NR3C1: variants seen among roughly 807,000 people sequenced by gnomAD.
NR3C1 encodes glucocorticoid receptor.
Under a neutral mutation model 74.0 loss-of-function variants are expected in NR3C1, and 14 were observed. The ratio of observed to expected loss-of-function variants is 0.19; its 90% CI spans 0.12 to 0.30. NR3C1 has a LOEUF of 0.30. NR3C1 is among the 10% of genes least tolerant of loss of function. NR3C1 has a pLI of 1.00. For missense variants in NR3C1, 695 were observed against 909.8 expected, an observed-to-expected ratio of 0.76 and a Z score of 3.04; for synonymous variants, 308 against 332.5, an observed-to-expected ratio of 0.93 and a Z score of 0.80.
At chr5:143,390,811 GATTAA>G (rs1240795014) in intron 2 of NR3C1, among the ~76,000 whole-genome samples, 1 of 152,114 alleles carries the variant, frequency 6.6e-6, no homozygotes, top group Non-Finnish European at 1.5e-5. Context: ...TTCGAGAGAG[GATTAA>G]ATTTCTAAAT....
chr5:143,299,005 G>T (rs1349171211), intron 5 of NR3C1, among the ~76,000 whole-genome samples, 193 bp from the exon 6 acceptor site: 138 of 106,736 alleles, frequency 1.3e-3, no homozygotes, highest in African/African-American at 4.5e-3. Flanking sequence ...ACCCTCTTGT[G>T]TTTTTTTTTT....
rs774830258 is a variant in NR3C1 at position 143,300,388 on chromosome 5, AT to A, written c.1747+96del. On this transcript the variant is annotated intron_variant, in intron 5 of 8. Coordinates refer to ENST00000394464, the MANE Select transcript of NR3C1 (RefSeq NM_000176.3). This position sits in a 1 kb window ranked among gnomAD's most constrained non-coding sequence, Gnocchi z 5.2. ...AGTCCCCAGAACTAAGAGAAACAAG[AT>A]AAGCCATGGGCTCACGATGATATAA... 20 of 1,459,686 alleles carry A rather than the reference AT, an allele frequency of 1.4e-5. No individual in the cohort carries two copies. The highest frequency in any genetic ancestry group is 1.9e-5 in the Non-Finnish European group (20 of 1,044,752). The allele number at this position is 1,459,686 out of a possible 1,614,324, so 90.4% of individuals were successfully genotyped here. A position where few individuals can be genotyped will look rare whatever the true frequency, so the allele number is the denominator to read the frequency against.
intron 1 of NR3C1, among the ~76,000 whole-genome samples, chr5:143,413,077 C>T (rs1368495854): frequency 6.6e-6 from 1 of 152,154 alleles, no homozygotes; most frequent in Non-Finnish European, 1.5e-5. Context: ...CAGTATAAGG[C>T]TGCAGGGATA....
chr5:143,340,628 G>A (rs1390929807), intron 2 of NR3C1, among the ~76,000 whole-genome samples: 2 of 151,740 alleles, frequency 1.3e-5, no homozygotes, highest in East Asian at 1.9e-4. Context: ...GATTACAGGT[G>A]CGCGCCACCA....
Position 143,309,070 on chromosome 5 carries a change from TTTC to T in NR3C1, c.1468+1024_1468+1026del, listed in dbSNP as rs1179627034. ...ACTCTAACTTATAACTAGTTTCAGGTTTCTTTTTTTTTTTTTTTTTCCAAGACG... is the reference window on the plus strand; with the variant it reads ...ACTCTAACTTATAACTAGTTTCAGGTTTTTTTTTTTTTTTTTTCCAAGACG... On this transcript the variant is annotated intron_variant, in intron 4 of 8. Coordinates refer to ENST00000394464, the MANE Select transcript of NR3C1 (RefSeq NM_000176.3). Among the ~76,000 whole-genome samples, 5 of 130,800 alleles carry T rather than the reference TTTC, an allele frequency of 3.8e-5. No individual in the cohort carries two copies. The East Asian group carries it at 1.2e-3, about 30-fold the overall frequency. The allele number at this position is 130,800 out of a possible 152,430, so 85.8% of individuals were successfully genotyped here.
rs1210181316 is a variant in NR3C1, at chr5:143,403,474, C to A, written c.-277G>T. 6.1e-6 allele frequency: 6 copies of A among 985,338 alleles called. No homozygotes were observed. The highest frequency in any genetic ancestry group is 7.2e-6 in the Non-Finnish European group (6 of 829,932). 61.0% of individuals were successfully genotyped at this position (985,338 alleles called of 1,614,324 possible). On this transcript the variant is annotated 5_prime_UTR_variant, in exon 1 of 9. Coordinates refer to ENST00000394464, the MANE Select transcript of NR3C1 (RefSeq NM_000176.3). ...GGTTCCGGGCGCGCGTGCCCCGTCC[C>A]GGTCCCAGCTGCTTCGGCCGCTCCG...
At chr5:143,405,316 C>T (rs1310246325), upstream of NR3C1, 6 of 985,520 alleles carry the variant, frequency 6.1e-6, no homozygotes, top group Non-Finnish European at 6.0e-6. Flanking sequence ...GGGCGCTCGG[C>T]CACAGCCACT....
chr5:143,344,102 CAT>C (rs1290375414), intron 2 of NR3C1, among the ~76,000 whole-genome samples: 1 of 151,984 alleles, frequency 6.6e-6, no homozygotes, highest in East Asian at 1.9e-4. Flanking sequence ...TTAACTATGA[CAT>C]AGTGCTTAGA....
chr5:143,428,424 C>G (rs1469503942), intron 1 of NR3C1, among the ~76,000 whole-genome samples: 1 of 152,198 alleles, frequency 6.6e-6, no homozygotes, highest in Non-Finnish European at 1.5e-5. Flanking sequence ...AAAGGCTTCC[C>G]TTCTGCTTTT....
chr5:143,325,622 T>C (rs1051933217), intron 2 of NR3C1, among the ~76,000 whole-genome samples: 3 of 152,232 alleles, frequency 2.0e-5, no homozygotes, highest in Non-Finnish European at 2.9e-5. Context: ...TTTTATTTTA[T>C]TATTAGTTAC....
At chr5:143,403,862 G>A, upstream of NR3C1, 3 of 972,876 alleles carry the variant, frequency 3.1e-6, no homozygotes, top group South Asian at 4.8e-5. Flanking sequence ...CCGCCACCCC[G>A]GCCCCGACGG....
At chr5:143,395,266 T>G (rs1047780945) in intron 2 of NR3C1, among the ~76,000 whole-genome samples, 2 of 152,004 alleles carry the variant, frequency 1.3e-5, no homozygotes, top group African/African-American at 4.8e-5. Context: ...ACCCAAGTAT[T>G]AATAGAATAT....
chr5:143,403,810 G>A, upstream of NR3C1: 1 of 976,508 alleles, frequency 1.0e-6, no homozygotes, highest in Non-Finnish European at 1.2e-6. Flanking sequence ...GGCAACTGCA[G>A]GGGCGCCCGC....
intron 2 of NR3C1, among the ~76,000 whole-genome samples, chr5:143,363,983 T>TA (rs141992053): frequency 7.4e-5 from 11 of 149,164 alleles, no homozygotes; most frequent in East Asian, 2.0e-4. Flanking sequence ...AAAGATTATT[T>TA]AAAAAAAAAA....
chr5:143,294,034 G>A (rs142560686), intron 7 of NR3C1: 83 of 985,052 alleles, frequency 8.4e-5, no homozygotes, highest in African/African-American at 6.5e-4. Context: ...GATCTTTATC[G>A]GGTTCTCTTG....
chr5:143,405,317 C>T (rs1399039057), upstream of NR3C1: 2 of 985,522 alleles, frequency 2.0e-6, no homozygotes, highest in African/African-American at 3.5e-5. Flanking sequence ...GGCGCTCGGC[C>T]ACAGCCACTC....
At chr5:143,336,042 T>A (rs1827062181) in intron 2 of NR3C1, among the ~76,000 whole-genome samples, 2 of 152,348 alleles carry the variant, frequency 1.3e-5, no homozygotes, top group South Asian at 4.1e-4. Context: ...TATTTCTCTG[T>A]TGGGGTGTTT....
intron 2 of NR3C1, among the ~76,000 whole-genome samples, chr5:143,355,139 C>T (rs1292232711): frequency 1.3e-5 from 2 of 151,984 alleles, no homozygotes; most frequent in Non-Finnish European, 2.9e-5. Flanking sequence ...ACAAAATAAA[C>T]ACGCAATATT....
At chr5:143,412,017 G>T (rs960867880) in intron 1 of NR3C1, among the ~76,000 whole-genome samples, 1 of 152,012 alleles carries the variant, frequency 6.6e-6, no homozygotes, top group African/African-American at 2.4e-5. Context: ...TCATCCAGCA[G>T]CTCTATGAAA....
Sources: allele counts gnomAD v4.1 joint callset (sites outside exome capture counted in the v4.1 genomes callset), GRCh38; gene constraint gnomAD v4.1.1; non-coding constraint Gnocchi (gnomAD v3.1); transcripts MANE v1.5; gene names NCBI Gene and HGNC (gene_info 2026-07-23, HGNC 2026-07-21).